Variants in CEP76 observed in about 807,000 individuals in gnomAD.
CEP76 encodes centrosomal protein of 76 kDa.
A neutral mutation model predicts 83.3 loss-of-function variants in CEP76; 55 were observed. The observed-to-expected ratio is 0.66, with a 90% CI of 0.53 to 0.83. CEP76 has a LOEUF of 0.83. CEP76 is among the 40% of genes least tolerant of loss of function. The pLI, the probability that CEP76 is intolerant of heterozygous loss-of-function variation, is 0.00. For missense variants in CEP76, 694 were observed against 799.5 expected (o/e 0.87, Z 1.59); for synonymous variants, 270 against 274.5 (o/e 0.98, Z 0.16).
chr18:12,689,755 G>A (rs990326278), intron 7 of CEP76, among the ~76,000 whole-genome samples: 10 of 151,378 alleles, frequency 6.6e-5, no homozygotes, highest in Non-Finnish European at 8.9e-5. Flanking sequence ...TAGACAGCAG[G>A]GAGCCAGTTT....
chr18:12,669,225 G>C (rs1011095398), downstream of CEP76, among the ~76,000 whole-genome samples: 5 of 151,726 alleles, frequency 3.3e-5, no homozygotes, highest in African/African-American at 1.2e-4. Flanking sequence ...CGATTCTCCT[G>C]TCTCAGCCTC....
intron 9 of CEP76, among the ~76,000 whole-genome samples, chr18:12,678,834 T>C (rs1598623023): frequency 1.3e-5 from 2 of 152,016 alleles, no homozygotes; most frequent in South Asian, 4.2e-4. Context: ...CACGTGCCTG[T>C]AGTCCCAGCT....
chr18:12,685,022 T>TA (rs1338561090), intron 8 of CEP76: 2 of 152,022 alleles, frequency 1.3e-5, no homozygotes, highest in African/African-American at 4.8e-5. Flanking sequence ...CTTTTTTTTT[T>TA]ATGGAGTTTC....
At chr18:12,691,604 ATCT>A in intron 6 of CEP76, 117 bp from the exon 7 acceptor site, 1 of 687,032 alleles carries the variant, frequency 1.5e-6, no homozygotes, top group Non-Finnish European at 2.3e-6. Context: ...AGTCATCATC[ATCT>A]TCTATAAGAG....
In CEP76 at chr18:12,674,770, G is replaced by A. The variant is rs774429469; in HGVS notation, c.1624-17C>T. On this transcript the variant is annotated splice_polypyrimidine_tract_variant and intron_variant, in intron 10 of 11. Coordinates refer to ENST00000262127, the MANE Select transcript of CEP76 (RefSeq NM_024899.4). ...GCCAAGATCCTATGAGCAATCAAGA[G>A]AAAAAGAAAAAGTGAAATACATTAA... The A allele has an allele frequency of 5.3e-6, 8 of 1,501,182 alleles. No individual in the cohort carries two copies. Among genetic ancestry groups the A allele is most frequent in the East Asian group, 4.7e-5 (2 of 42,900 alleles). The allele number at this position is 1,501,182 out of a possible 1,614,324, so 93.0% of individuals were successfully genotyped here.
chr18:12,698,741 G>C (rs1196408107), intron 4 of CEP76: 1 of 521,656 alleles, frequency 1.9e-6, no homozygotes, highest in Non-Finnish European at 3.4e-6. Flanking sequence ...ATTTAAGTGT[G>C]TATTACTAAA....
At chr18:12,685,458 A>G (rs1221552828) in intron 8 of CEP76, 1 of 152,166 alleles carries the variant, frequency 6.6e-6, no homozygotes, top group Non-Finnish European at 1.5e-5. Context: ...AGAAATCACA[A>G]TAAATAAGAA....
intron 10 of CEP76, among the ~76,000 whole-genome samples, chr18:12,677,317 A>G (rs1056957853): frequency 1.3e-5 from 2 of 152,024 alleles, no homozygotes; most frequent in Non-Finnish European, 1.5e-5. Context: ...ACATGTCTAT[A>G]ATCCCAGTTA....
At position 12,702,708 on chromosome 18, in the gene CEP76, G is replaced by T. The variant is rs947528080; in HGVS notation, c.-160C>A. 2.7e-6 allele frequency: 2 copies of T among 743,012 alleles called. No homozygotes were observed. The highest frequency in any genetic ancestry group is 4.2e-6 in the Non-Finnish European group (2 of 480,804). 46.0% of individuals were successfully genotyped at this position (743,012 alleles called of 1,614,324 possible). ...GGGACGCAACGCCGCGTCAGGCCGG[G>T]GGCTGACCTGGAAATGAGGCCCCGG... On this transcript the variant is annotated 5_prime_UTR_variant, in exon 1 of 12. Coordinates refer to ENST00000262127, the MANE Select transcript of CEP76 (RefSeq NM_024899.4).
intron 4 of CEP76, among the ~76,000 whole-genome samples, chr18:12,697,616 A>G (rs2040001079): frequency 1.3e-5 from 2 of 152,258 alleles, no homozygotes; most frequent in African/African-American, 4.8e-5. Flanking sequence ...GCAAATTGTG[A>G]TGAGTTATCC....
chr18:12,679,472 G>A (rs971063147), intron 9 of CEP76, among the ~76,000 whole-genome samples: 2 of 152,036 alleles, frequency 1.3e-5, no homozygotes, highest in Non-Finnish European at 2.9e-5. Flanking sequence ...TGGAGCGTCC[G>A]TTTCCCAGTG....
At chr18:12,670,484 A>G (rs569070896), downstream of CEP76, 1 of 152,186 alleles carries the variant, frequency 6.6e-6, no homozygotes, top group Non-Finnish European at 1.5e-5. Context: ...TTTGAAATAC[A>G]CGTTACTCTG....
chr18:12,684,959 A>AT (rs924630990), intron 8 of CEP76: 1 of 151,546 alleles, frequency 6.6e-6, no homozygotes, highest in Non-Finnish European at 1.5e-5. Flanking sequence ...GCAATTCAAG[A>AT]TTTTTTTCTA....
At chr18:12,700,013 C>T (rs933481231) in intron 2 of CEP76, 108 bp from the exon 3 acceptor site, 79 of 557,490 alleles carry the variant, frequency 1.4e-4, no homozygotes, top group Non-Finnish European at 2.2e-4. Flanking sequence ...CAGGGTAAGG[C>T]CCTTTCAAAG....
chr18:12,674,865 TATC>T (rs767577837), intron 10 of CEP76, 112 bp from the exon 11 acceptor site: 96 of 565,928 alleles, frequency 1.7e-4, no homozygotes, highest in Non-Finnish European at 2.5e-4. Flanking sequence ...TTTTAAAAGC[TATC>T]ATAATATTTT....
chr18:12,667,760 C>CAAAAA (rs67167827), downstream of CEP76, among the ~76,000 whole-genome samples: 12 of 89,750 alleles, frequency 1.3e-4, no homozygotes, highest in South Asian at 4.1e-4. Flanking sequence ...GACTCTTTCT[C>CAAAAA]AAAAAAAAAA....
chr18:12,676,221 AG>A (rs2039124711), intron 10 of CEP76, among the ~76,000 whole-genome samples: 1 of 151,106 alleles, frequency 6.6e-6, no homozygotes, highest in Admixed American at 6.6e-5. Flanking sequence ...TAACTTAAAT[AG>A]TGATCAACAC....
chr18:12,702,438 A>G, intron 1 of CEP76, 48 bp downstream of exon 1: 1 of 1,432,872 alleles, frequency 7.0e-7, no homozygotes, highest in Non-Finnish European at 9.7e-7. Context: ...CAGGAGGGAA[A>G]GGTTATGGGT....
Position 12,680,758 on chromosome 18 carries a change from C to G in CEP76, c.1193G>C (p.Cys398Ser), listed in dbSNP as rs769810501. Reference protein sequence around the residue: ...LLGYGLEAFVCVGTKAKGVPH... With the variant: ...LLGYGLEAFVSVGTKAKGVPH... ...TACTCCTTTTGCCTTGGTCCCAACACAAACAAAGGCTTCTAATCCATATCC... is the reference window on the plus strand; with the variant it reads ...TACTCCTTTTGCCTTGGTCCCAACAGAAACAAAGGCTTCTAATCCATATCC... The change falls in exon 9 of 12, where the codon TGT (cysteine) becomes TCT (serine). Residue 398 changes from cysteine to serine, a missense_variant. Transcript: ENST00000262127. 2.5e-6 allele frequency: 4 copies of G among 1,613,746 alleles called. No homozygotes were observed. The highest frequency in any genetic ancestry group is 3.4e-6 in the Non-Finnish European group (4 of 1,179,770).
Sources: allele counts gnomAD v4.1 joint callset (sites outside exome capture counted in the v4.1 genomes callset), GRCh38; gene constraint gnomAD v4.1.1; transcripts MANE v1.5; gene names NCBI Gene and HGNC (gene_info 2026-07-23, HGNC 2026-07-21).